WDPCP: variants seen among roughly 807,000 people sequenced by gnomAD.
The protein encoded by WDPCP is WD repeat containing planar cell polarity effector.
Under a neutral mutation model 93.1 loss-of-function variants are expected in WDPCP, and 71 were observed. That is an observed-to-expected ratio of 0.76 (90% CI 0.63 to 0.93). The LOEUF (loss-of-function observed/expected upper bound fraction) is 0.93, where lower values mean the gene tolerates loss of function less well. Ranked by LOEUF, WDPCP falls within the 40% of genes least tolerant of loss-of-function variation. The pLI is 0.00. For missense variants in WDPCP, 844 were observed against 887.4 expected (o/e 0.95, Z 0.62); for synonymous variants, 315 against 315.0 (o/e 1.00, Z 0.00).
chr2:63,208,929 C>T (rs1480485378), intron 14 of WDPCP, among the ~76,000 whole-genome samples: 1 of 152,156 alleles, frequency 6.6e-6, no homozygotes, highest in African/African-American at 2.4e-5. Context: ...ATAGGTATAC[C>T]TGCACCCTCC....
intron 1 of WDPCP, among the ~76,000 whole-genome samples, chr2:63,526,243 T>C (rs1461274394): frequency 3.9e-5 from 6 of 152,236 alleles, no homozygotes; most frequent in South Asian, 2.1e-4. Flanking sequence ...TTTTTTCTTG[T>C]GTGTCATTTT....
At chr2:63,513,795 A>T (rs1702388205) in intron 1 of WDPCP, among the ~76,000 whole-genome samples, 1 of 152,144 alleles carries the variant, frequency 6.6e-6, no homozygotes. Flanking sequence ...GTCCAGTCAC[A>T]TTTCTACACA....
At chr2:63,367,236 CT>C (rs1239678733) in intron 12 of WDPCP, among the ~76,000 whole-genome samples, 1 of 151,808 alleles carries the variant, frequency 6.6e-6, no homozygotes, top group Non-Finnish European at 1.5e-5. Flanking sequence ...AAGTAAGAAT[CT>C]CATACATTAA....
chr2:63,477,470 T>G (rs767141669), intron 6 of WDPCP, among the ~76,000 whole-genome samples: 5 of 152,060 alleles, frequency 3.3e-5, no homozygotes, highest in Admixed American at 6.6e-5. Context: ...TCAACATATG[T>G]ATAGGTAAGT....
At chr2:63,580,571 T>C (rs1708429081) in intron 1 of WDPCP, among the ~76,000 whole-genome samples, 1 of 151,964 alleles carries the variant, frequency 6.6e-6, no homozygotes, top group South Asian at 2.1e-4. Context: ...CAAACCCAAA[T>C]TGAGGGATGG....
Position 63,714,510 on chromosome 2 carries a change from A to C in WDPCP, n.309-63672T>G, listed in dbSNP as rs577586831. Among the ~76,000 whole-genome samples, 3 of 152,324 alleles carry C rather than the reference A, an allele frequency of 2.0e-5. No individual in the cohort carries two copies. The South Asian group carries it at 6.2e-4, about 32-fold the overall frequency. ...AGTTTGACAGTTCCTAAAAAGGTAAAACATAAAATTACCATACAACCCAGC... is the reference window on the plus strand; with the variant it reads ...AGTTTGACAGTTCCTAAAAAGGTAACACATAAAATTACCATACAACCCAGC... On this transcript the variant is annotated intron_variant and non_coding_transcript_variant, in intron 2 of 4. Coordinates refer to the WDPCP transcript ENST00000467687.
intron 10 of WDPCP, among the ~76,000 whole-genome samples, chr2:63,400,328 T>C (rs142961835): frequency 0.014 from 2,127 of 152,208 alleles, 26 homozygotes; most frequent in Non-Finnish European, 0.022. Context: ...CCCAAAAGTA[T>C]AGAAATCCTG....
At chr2:63,751,832 T>C (rs775718863) in intron 2 of WDPCP, 2 of 672,914 alleles carry the variant, frequency 3.0e-6, no homozygotes, top group South Asian at 1.4e-5. Context: ...GGTCCAAAAT[T>C]TGAAGACTAA....
chr2:63,243,072 T>G (rs1429647424), intron 14 of WDPCP, among the ~76,000 whole-genome samples: 1 of 152,224 alleles, frequency 6.6e-6, no homozygotes, highest in Non-Finnish European at 1.5e-5. Context: ...TGTTTTACAG[T>G]AGCTTAGACT....
At chr2:63,126,336 C>T (rs962607620) in intron 17 of WDPCP, among the ~76,000 whole-genome samples, 4 of 152,114 alleles carry the variant, frequency 2.6e-5, no homozygotes, top group African/African-American at 9.7e-5. Flanking sequence ...AAACAATAAT[C>T]ATGAACCATG....
the WDPCP span, among the ~76,000 whole-genome samples, chr2:63,838,908 TG>T: frequency 6.6e-6 from 1 of 152,194 alleles, no homozygotes; most frequent in Non-Finnish European, 1.5e-5. Flanking sequence ...AAAGTGTTTG[TG>T]GGTTCAAAAT....
At chr2:63,319,603 C>A (rs374514705) in intron 12 of WDPCP, among the ~76,000 whole-genome samples, 25 of 152,268 alleles carry the variant, frequency 1.6e-4, no homozygotes, top group Non-Finnish European at 2.8e-4. Flanking sequence ...CTCAGCCTCC[C>A]AAGTAGCTGG....
intron 2 of WDPCP, among the ~76,000 whole-genome samples, chr2:63,651,886 T>A (rs1575739130): frequency 6.6e-6 from 1 of 152,230 alleles, no homozygotes; most frequent in Non-Finnish European, 1.5e-5. Context: ...ACAATTTCAA[T>A]AAGCACATGA....
chr2:63,391,266 C>T (rs778371109), intron 10 of WDPCP, among the ~76,000 whole-genome samples: 1 of 152,136 alleles, frequency 6.6e-6, no homozygotes, highest in African/African-American at 2.4e-5. Context: ...TAATCCATCA[C>T]ATAAACAGAA....
At chr2:63,226,028 CT>C (rs1286323215) in intron 14 of WDPCP, among the ~76,000 whole-genome samples, 1 of 151,842 alleles carries the variant, frequency 6.6e-6, no homozygotes, top group Admixed American at 6.6e-5. Context: ...TGTATATTCA[CT>C]ATAATAGAAA....
intron 6 of WDPCP, 61 bp downstream of exon 6, chr2:63,484,543 T>C (rs1700450376): frequency 1.8e-5 from 29 of 1,594,218 alleles, no homozygotes; most frequent in Non-Finnish European, 2.3e-5. Flanking sequence ...AGAATACCAA[T>C]TACTACATAG....
rs116698411 is a variant in WDPCP, at chr2:63,373,335, G to C, written c.1748+5051C>G. ...CAGGAACAAGGCTCACTGCAGACTT[G>C]AACACCCAGGCTCAAGCAATCCTCC... On this transcript the variant is annotated intron_variant, in intron 12 of 17. Transcript: ENST00000272321. 3.2e-3 allele frequency among the ~76,000 whole-genome samples: 478 copies of C among 149,056 alleles called. 1 individual carries two copies. The highest frequency in any genetic ancestry group is 0.011 in the African/African-American group (455 of 40,526).
At chr2:63,147,350 A>G (rs1671587589) in intron 17 of WDPCP, among the ~76,000 whole-genome samples, 1 of 152,184 alleles carries the variant, frequency 6.6e-6, no homozygotes. Context: ...TGATTAACCT[A>G]AATTCCAATG....
chr2:63,824,830 G>A (rs1275323248), intron 1 of WDPCP, among the ~76,000 whole-genome samples: 1 of 151,904 alleles, frequency 6.6e-6, no homozygotes, highest in Admixed American at 6.6e-5. Context: ...AGAGTAAAGG[G>A]AAAAATAAAT....
Sources: gnomAD v4.1 joint callset for allele counts (sites outside exome capture counted in the v4.1 genomes callset) on GRCh38, gnomAD v4.1.1 for gene constraint, MANE v1.5 for transcripts, NCBI Gene and HGNC (gene_info 2026-07-23, HGNC 2026-07-21) for gene names.